TENM4: variants seen among roughly 807,000 people sequenced by gnomAD.
TENM4 encodes the protein teneurin-4.
TENM4 carries 82 observed loss-of-function variants against 243.3 expected under a neutral mutation model. That is an observed-to-expected ratio of 0.34 (90% CI 0.28 to 0.40). The LOEUF is 0.40. TENM4 is among the 10% of genes least tolerant of loss of function. The pLI is 1.00. For synonymous variants in TENM4, 1,412 were observed against 1,456.3 expected, an observed-to-expected ratio of 0.97 and a Z score of 0.69; for missense variants, 3,138 against 3,673.3, an observed-to-expected ratio of 0.85 and a Z score of 3.77.
At chr11:79,174,997 C>G (rs1863129072) in intron 3 of TENM4, among the ~76,000 whole-genome samples, 1 of 152,160 alleles carries the variant, frequency 6.6e-6, no homozygotes, top group African/African-American at 2.4e-5. Context: ...TACTATCTAT[C>G]TCTATATCAA....
intron 12 of TENM4, among the ~76,000 whole-genome samples, chr11:78,845,696 C>A (rs1319217810): frequency 6.6e-6 from 1 of 152,054 alleles, no homozygotes; most frequent in Non-Finnish European, 1.5e-5. Context: ...TATGTGAGAA[C>A]CCTCTCAAAG....
chr11:79,251,148 T>C (rs914397347), intron 2 of TENM4, among the ~76,000 whole-genome samples: 1 of 152,190 alleles, frequency 6.6e-6, no homozygotes, highest in African/African-American at 2.4e-5. Flanking sequence ...GCTAGAGTTT[T>C]AACATCCACG....
At chr11:78,789,867 A>G (rs2136046073) in intron 15 of TENM4, among the ~76,000 whole-genome samples, 1 of 152,344 alleles carries the variant, frequency 6.6e-6, no homozygotes, top group East Asian at 1.9e-4. Flanking sequence ...AAAAGACAGT[A>G]AGACTTGGAA....
intron 4 of TENM4, among the ~76,000 whole-genome samples, chr11:79,119,891 C>T (rs904772458): frequency 2.0e-5 from 3 of 152,298 alleles, no homozygotes; most frequent in African/African-American, 4.8e-5. Context: ...GCTCGATAAC[C>T]AGCTCAGGTA....
intron 19 of TENM4, among the ~76,000 whole-genome samples, chr11:78,745,577 T>G (rs1856031298): frequency 6.6e-6 from 1 of 152,120 alleles, no homozygotes; most frequent in African/African-American, 2.4e-5. Context: ...TCAGAATGCC[T>G]CATGTGCTGG....
intron 12 of TENM4, among the ~76,000 whole-genome samples, chr11:78,828,623 T>A (rs1235061350): frequency 6.6e-6 from 1 of 152,256 alleles, no homozygotes; most frequent in Non-Finnish European, 1.5e-5. Flanking sequence ...AGAGGCCAAG[T>A]TGGACTTCTT....
rs1210087085 is a variant in TENM4 at position 78,814,448 on chromosome 11, G to A, written c.1682-53C>T. On this transcript the variant is annotated intron_variant, in intron 12 of 33. Transcript: ENST00000278550. ...GAAAACAAATTTCCTTACCCAAACA[G>A]AGAGCCCAGGAATCAAGCTTTAGGT... The A allele has an allele frequency of 2.0e-6, 3 of 1,474,124 alleles. No homozygotes were observed. The African/African-American group carries it at 4.2e-5, about 21-fold the overall frequency. 91.3% of individuals were successfully genotyped at this position (1,474,124 alleles called of 1,614,324 possible).
chr11:78,881,272 A>G (rs1855426167), intron 9 of TENM4, among the ~76,000 whole-genome samples: 1 of 152,058 alleles, frequency 6.6e-6, no homozygotes, highest in African/African-American at 2.4e-5. Flanking sequence ...CTCACTCTCT[A>G]TCCTTTTTCA....
intron 20 of TENM4, among the ~76,000 whole-genome samples, chr11:78,736,768 G>C (rs1254779425): frequency 6.6e-6 from 1 of 152,188 alleles, no homozygotes; most frequent in Non-Finnish European, 1.5e-5. Flanking sequence ...TTATGCAGTG[G>C]CTGAGTTGGG....
At chr11:79,400,710 C>T (rs1858442797) in intron 1 of TENM4, among the ~76,000 whole-genome samples, 1 of 152,304 alleles carries the variant, frequency 6.6e-6, no homozygotes, top group African/African-American at 2.4e-5. Context: ...GGGGACAGTG[C>T]GTGTTGATGC....
intron 1 of TENM4, among the ~76,000 whole-genome samples, chr11:79,383,718 A>G (rs1417976396): frequency 6.6e-6 from 1 of 152,126 alleles, no homozygotes; most frequent in Non-Finnish European, 1.5e-5. Flanking sequence ...CTATATATAC[A>G]TGTGTTTCTA....
At chr11:79,285,220 GAGAA>G (rs1445299659) in intron 2 of TENM4, among the ~76,000 whole-genome samples, 1 of 150,848 alleles carries the variant, frequency 6.6e-6, no homozygotes, top group African/African-American at 2.4e-5. Context: ...CCTGGCAACA[GAGAA>G]AGACTCAGTT....
intron 6 of TENM4, among the ~76,000 whole-genome samples, chr11:79,013,496 T>C (rs1045862823): frequency 6.6e-6 from 1 of 152,110 alleles, no homozygotes; most frequent in African/African-American, 2.4e-5. Context: ...CCACTGCCTT[T>C]CCATCTGCCT....
At chr11:79,247,144 C>T (rs185881369) in intron 2 of TENM4, among the ~76,000 whole-genome samples, 9 of 151,878 alleles carry the variant, frequency 5.9e-5, no homozygotes, top group African/African-American at 9.6e-5. Flanking sequence ...TGGCCAGGTG[C>T]GGTGTCTCAC....
chr11:79,304,970 G>A (rs1856603720), intron 1 of TENM4, among the ~76,000 whole-genome samples: 1 of 152,224 alleles, frequency 6.6e-6, no homozygotes, highest in African/African-American at 2.4e-5. Flanking sequence ...CAGGCCCACA[G>A]AACCATGTGA....
At chr11:78,992,186 C>T (rs753874602) in intron 6 of TENM4, among the ~76,000 whole-genome samples, 7 of 152,240 alleles carry the variant, frequency 4.6e-5, no homozygotes, top group Non-Finnish European at 7.3e-5. Context: ...GGAGAACGAG[C>T]AGCTTCTAAG....
At chr11:78,944,452 A>G (rs1856970147) in intron 6 of TENM4, among the ~76,000 whole-genome samples, 1 of 152,172 alleles carries the variant, frequency 6.6e-6, no homozygotes, top group Admixed American at 6.5e-5. Context: ...CAACAAATTG[A>G]AGTTTCTTCT....
rs534389584 is a variant in TENM4 at position 79,262,020 on chromosome 11, A to G, written c.-265+35468T>C. 2.6e-4 allele frequency among the ~76,000 whole-genome samples: 40 copies of G among 152,306 alleles called. 1 individual carries two copies. The South Asian group carries it at 7.5e-3, about 28-fold the overall frequency. ...TTTGAAGAAATAGCCTTCGGGATAG[A>G]TTACTTTTCTTGAGGCAGAGACCAT... On this transcript the variant is annotated intron_variant, in intron 2 of 33. Coordinates refer to ENST00000278550, the MANE Select transcript of TENM4 (RefSeq NM_001098816.3).
rs528781718 is a variant in TENM4, at chr11:79,181,357, T to C, written c.-162-32551A>G. On this transcript the variant is annotated intron_variant, in intron 3 of 33. Transcript: ENST00000278550. ...AAGAAAAACCAAATAATTATATCAA[T>C]AGATGCAGAAAAAGCATTTGACAAA... 9.2e-5 allele frequency among the ~76,000 whole-genome samples: 14 copies of C among 152,226 alleles called. No homozygotes were observed. The South Asian group carries it at 2.9e-3, about 32-fold the overall frequency.
Sources: allele counts gnomAD v4.1 joint callset (sites outside exome capture counted in the v4.1 genomes callset), GRCh38; gene constraint gnomAD v4.1.1; transcripts MANE v1.5; gene names NCBI Gene and HGNC (gene_info 2026-07-23, HGNC 2026-07-21).